ACSF2: variants seen among roughly 807,000 people sequenced by gnomAD.
ACSF2 encodes acyl-CoA synthetase family member 2.
Under a neutral mutation model 79.3 loss-of-function variants are expected in ACSF2, and 52 were observed. The observed-to-expected ratio is 0.66, with a 90% confidence interval of 0.53 to 0.83. The LOEUF is 0.83. Ranked by LOEUF, ACSF2 falls within the 40% of genes least tolerant of loss-of-function variation. The pLI, the probability that ACSF2 is intolerant of heterozygous loss-of-function variation, is 0.00. For synonymous variants in ACSF2, 283 were observed against 312.6 expected, an observed-to-expected ratio of 0.91 and a Z score of 1.00; for missense variants, 661 against 803.3, an observed-to-expected ratio of 0.82 and a Z score of 2.14.
At chr17:50,464,636 C>G (rs1182582412) in intron 10 of ACSF2, 1 of 499,572 alleles carries the variant, frequency 2.0e-6, no homozygotes, top group East Asian at 5.6e-5. Flanking sequence ...GGCTTTAAAA[C>G]CCTTTCTGGA....
intron 10 of ACSF2, chr17:50,464,777 G>GGGA (rs1555611970): frequency 3.0e-6 from 1 of 331,142 alleles, no homozygotes; most frequent in Non-Finnish European, 5.9e-6. Flanking sequence ...CTTGGGGGGG[G>GGGA]GGTCTCAGCA....
rs763114145 is a variant in ACSF2, at chr17:50,472,457, G to T, written c.1353G>T (p.Thr451=). ...EARIMNMEAG[T]LAKLNTPGEL... is the part of the protein sequence containing the mutation. Reference sequence around the variant, plus strand: ...GGATCATGAACATGGAGGCAGGGACGCTGGCAAAGCTGAACACGCCCGGGG... The same window carrying T: ...GGATCATGAACATGGAGGCAGGGACTCTGGCAAAGCTGAACACGCCCGGGG... Residue 451 remains threonine, a synonymous_variant, in exon 12 of 16, where the codon ACG becomes ACT. Coordinates refer to ENST00000300441, the MANE Select transcript of ACSF2 (RefSeq NM_025149.6). 3 of 1,612,546 alleles carry T rather than the reference G, an allele frequency of 1.9e-6. No homozygotes were observed. The highest frequency in any genetic ancestry group is 2.7e-5 in the African/African-American group (2 of 74,942).
rs2032403897 is a variant in ACSF2, at chr17:50,462,455, C to A, written c.662C>A (p.Ala221Asp). The change falls in exon 6 of 16, where the codon GCC (alanine) becomes GAC (aspartate). Residue 221 changes from alanine (A) to aspartate (D), a missense_variant. By Grantham distance (126) the Ala-to-Asp change is moderately radical. Coordinates refer to ENST00000300441, the MANE Select transcript of ACSF2 (RefSeq NM_025149.6). The part of the protein sequence containing the change: ...PDLTTVISVD[A>D]PLPGTLLLDE... The stretch of plus-strand genomic sequence containing the variant: ...CTGACCACAGTCATCTCGGTGGATG[C>A]CCCTTTGCCGGGGACCCTGCTCCTG... 1.9e-6 allele frequency: 3 copies of A among 1,613,352 alleles called. No homozygotes were observed. The highest frequency in any genetic ancestry group is 4.5e-5 in the East Asian group (2 of 44,838).
chr17:50,460,480 C>G, intron 1 of ACSF2, 197 bp from the exon 2 acceptor site: 1 of 601,816 alleles, frequency 1.7e-6, no homozygotes, highest in African/African-American at 1.9e-5. Context: ...TTGTCCCTGT[C>G]CTGCTGCCTT....
intron 1 of ACSF2, among the ~76,000 whole-genome samples, chr17:50,436,465 T>C (rs1391679815): frequency 6.9e-6 from 1 of 144,916 alleles, no homozygotes; most frequent in Non-Finnish European, 1.5e-5. Context: ...AGAGTTTCAC[T>C]CTTGTTGCCC....
At chr17:50,446,172 A>G (rs2031285761) in intron 1 of ACSF2, among the ~76,000 whole-genome samples, 1 of 152,162 alleles carries the variant, frequency 6.6e-6, no homozygotes, top group African/African-American at 2.4e-5. Context: ...TTTCTGACAG[A>G]ATGTTAAATA....
chr17:50,468,894 T>C (rs2032942588), intron 10 of ACSF2: 1 of 1,432,488 alleles, frequency 7.0e-7, no homozygotes, highest in Non-Finnish European at 9.1e-7. Flanking sequence ...CGCTCGGGTC[T>C]GCCGCCCTCT....
chr17:50,471,067 G>C lies in ACSF2; in HGVS notation c.1255G>C (p.Ala419Pro). ...GTTENSPVTFAHFPEDTVEQK... is the reference protein window; with the variant it reads ...GTTENSPVTFPHFPEDTVEQK... The stretch of plus-strand genomic sequence containing the variant: ...CACAGAGAACAGTCCCGTGACATTC[G>C]CGCACTTCCCTGAGGACACTGTGGA... Residue 419 changes from alanine to proline, a missense_variant, in exon 11 of 16, where the codon GCG becomes CCG. Physicochemically the swap from Ala to Pro is conservative, Grantham distance 27. Transcript: ENST00000300441. The surrounding 1 kb of genome is among the most constrained non-coding windows in gnomAD (Gnocchi z 4.1). 6.2e-7 allele frequency: 1 copy of C among 1,613,894 alleles called. No homozygotes were observed. The highest frequency in any genetic ancestry group is 8.5e-7 in the Non-Finnish European group (1 of 1,179,996).
chr17:50,446,860 A>T (rs2031335459), intron 1 of ACSF2, among the ~76,000 whole-genome samples: 1 of 152,230 alleles, frequency 6.6e-6, no homozygotes, highest in Admixed American at 6.5e-5. Flanking sequence ...TATAATTACA[A>T]ATAAGTCACC....
At chr17:50,470,994 A>G (rs767305826) in intron 10 of ACSF2, 34 bp from the exon 11 acceptor site, 3 of 1,514,566 alleles carry the variant, frequency 2.0e-6, no homozygotes, top group South Asian at 2.2e-5. Flanking sequence ...GCACGTGCTG[A>G]GCCCTCTTCA....
chr17:50,466,423 C>T (rs544585614), intron 10 of ACSF2, among the ~76,000 whole-genome samples: 11 of 152,284 alleles, frequency 7.2e-5, no homozygotes, highest in African/African-American at 2.4e-4. Flanking sequence ...AATGGGGAAA[C>T]GGAAAAAGCG....
At position 50,462,467 on chromosome 17, in the gene ACSF2, G is replaced by A. The variant is rs752074448; in HGVS notation, c.674G>A (p.Gly225Glu). 8 of 1,587,496 alleles carry A rather than the reference G, an allele frequency of 5.0e-6. No individual in the cohort carries two copies. In the Admixed American group the frequency reaches 5.2e-5, roughly 10 times the overall value. The change falls in exon 6 of 16, where the codon GGG (glycine) becomes GAG (glutamate). Residue 225 changes from glycine to glutamate, a missense_variant. Gly to Glu is a moderately conservative substitution (Grantham distance 98, BLOSUM62 -2). Transcript: ENST00000300441. ...TVISVDAPLP[G>E]TLLLDEVVAA... The stretch of plus-strand genomic sequence containing the variant: ...ATCTCGGTGGATGCCCCTTTGCCGG[G>A]GACCCTGCTCCTGGATGAAGTGGTG...
chr17:50,437,628 C>T (rs2143531568), intron 1 of ACSF2, among the ~76,000 whole-genome samples: 1 of 152,188 alleles, frequency 6.6e-6, no homozygotes, highest in South Asian at 2.1e-4. Flanking sequence ...TGCACTCCAG[C>T]CTGGGCAACA....
In ACSF2 at chr17:50,460,771, G is replaced by T. The variant is rs771199340; in HGVS notation, c.223G>T (p.Gly75Cys). ...TKKHLNSKTV[G>C]QCLETTAQRV... is the part of the protein sequence containing the mutation. Reference sequence around the variant, plus strand: ...AAAGCATCTTAACAGCAAGACTGTGGGCCAGTGCCTGGAGACCACAGCACA... The same window carrying T: ...AAAGCATCTTAACAGCAAGACTGTGTGCCAGTGCCTGGAGACCACAGCACA... The change falls in exon 2 of 16, where the codon GGC becomes TGC. Residue 75 changes from glycine (G) to cysteine (C), a missense_variant. Transcript: ENST00000300441. The T allele has an allele frequency of 5.0e-6, 8 of 1,613,204 alleles. No homozygotes were observed. Among genetic ancestry groups the T allele is most frequent in the African/African-American group, 1.3e-5 (1 of 74,894 alleles).
At chr17:50,446,042 G>C (rs897459354) in intron 1 of ACSF2, among the ~76,000 whole-genome samples, 6 of 152,200 alleles carry the variant, frequency 3.9e-5, no homozygotes, top group Admixed American at 1.3e-4. Flanking sequence ...CATTGGGACT[G>C]TTTATTTTCT....
At chr17:50,469,182 G>A in intron 10 of ACSF2, 1 of 286,684 alleles carries the variant, frequency 3.5e-6, no homozygotes, top group Non-Finnish European at 5.2e-6. Context: ...GAATAGTTAT[G>A]TCTGGAGCCC....
chr17:50,465,975 G>A, intron 10 of ACSF2: 1 of 1,263,408 alleles, frequency 7.9e-7, no homozygotes, highest in East Asian at 2.3e-5. Context: ...CTGAGCCATA[G>A]CACTTTGAGG....
chr17:50,462,741 C>T, intron 6 of ACSF2, 156 bp downstream of exon 6: 4 of 869,934 alleles, frequency 4.6e-6, no homozygotes, highest in South Asian at 3.6e-5. Flanking sequence ...ATATCAGCAC[C>T]TGGTGTCCTT....
At chr17:50,460,554 G>A in intron 1 of ACSF2, 123 bp from the exon 2 acceptor site, 1 of 836,412 alleles carries the variant, frequency 1.2e-6, no homozygotes, top group Non-Finnish European at 1.8e-6. Flanking sequence ...AGATCTGGAG[G>A]AAACCTAGTG....
Sources: allele counts gnomAD v4.1 joint callset (sites outside exome capture counted in the v4.1 genomes callset), GRCh38; gene constraint gnomAD v4.1.1; non-coding constraint Gnocchi (gnomAD v3.1); transcripts MANE v1.5; gene names NCBI Gene and HGNC (gene_info 2026-07-23, HGNC 2026-07-21).